The following CCND1 variants were observed in gnomAD, a reference collection of about 807,000 sequenced individuals.
CCND1 encodes the protein cyclin D1.
A neutral mutation model predicts 26.1 loss-of-function variants in CCND1; 9 were observed. That is an observed-to-expected ratio of 0.35 (90% CI 0.21 to 0.60). The LOEUF is 0.60. CCND1 is among the 20% of genes least tolerant of loss of function. CCND1 has a pLI of 0.79. For synonymous variants in CCND1, 194 were observed against 166.1 expected (o/e 1.17, Z -1.29); for missense variants, 335 against 392.9 (o/e 0.85, Z 1.25).
chr11:69,645,182 G>C (rs1855763269), intron 3 of CCND1, among the ~76,000 whole-genome samples: 1 of 152,190 alleles, frequency 6.6e-6, no homozygotes, highest in South Asian at 2.1e-4. Context: ...GTCTGGGGTG[G>C]GGGGGCATGC....
At chr11:69,645,325 G>A (rs1243379041) in intron 3 of CCND1, among the ~76,000 whole-genome samples, 2 of 152,202 alleles carry the variant, frequency 1.3e-5, no homozygotes, top group African/African-American at 4.8e-5. Flanking sequence ...CGTGGGGCGT[G>A]GTTCTTGCAC....
Position 69,641,202 on chromosome 11 carries a change from C to A in CCND1, c.-112C>A. The A allele has an allele frequency of 9.2e-7, 1 of 1,088,000 alleles. No homozygotes were observed. The highest frequency in any genetic ancestry group is 1.4e-6 in the Non-Finnish European group (1 of 728,202). 67.4% of individuals were successfully genotyped at this position (1,088,000 alleles called of 1,614,324 possible). ...CAGCGAGCAGCAGAGTCCGCACGCTCCGGCGAGGGGCAGAAGAGCGCGAGG... is the reference window on the plus strand; with the variant it reads ...CAGCGAGCAGCAGAGTCCGCACGCTACGGCGAGGGGCAGAAGAGCGCGAGG... On this transcript the variant is annotated 5_prime_UTR_variant, in exon 1 of 5. Transcript: ENST00000227507.
intron 3 of CCND1, among the ~76,000 whole-genome samples, chr11:69,646,555 G>A (rs987806865): frequency 2.0e-5 from 3 of 152,160 alleles, no homozygotes; most frequent in Non-Finnish European, 4.4e-5. Flanking sequence ...GCTCAGTGGC[G>A]CGAGATGAGG....
intron 3 of CCND1, among the ~76,000 whole-genome samples, chr11:69,645,503 C>A (rs1855766900): frequency 6.6e-6 from 1 of 152,156 alleles, no homozygotes; most frequent in South Asian, 2.1e-4. Context: ...ACTTGGGGAC[C>A]CAGCTGTGCA....
At chr11:69,642,148 G>A (rs1008468269) in intron 1 of CCND1, among the ~76,000 whole-genome samples, 1 of 152,132 alleles carries the variant, frequency 6.6e-6, no homozygotes, top group African/African-American at 2.4e-5. Flanking sequence ...TAGGGAAGGG[G>A]GGGCCTTTGT....
intron 3 of CCND1, among the ~76,000 whole-genome samples, chr11:69,645,103 C>T (rs1855762107): frequency 6.6e-6 from 1 of 152,182 alleles, no homozygotes; most frequent in South Asian, 2.1e-4. Context: ...GAACCCCTCC[C>T]CCACGTTTCC....
At chr11:69,647,268 C>G (rs983355436) in intron 3 of CCND1, among the ~76,000 whole-genome samples, 1 of 151,566 alleles carries the variant, frequency 6.6e-6, no homozygotes, top group Non-Finnish European at 1.5e-5. Flanking sequence ...TGTACTTGGT[C>G]TGTGCTCTGA....
At chr11:69,642,973 G>A in intron 1 of CCND1, 58 bp from the exon 2 acceptor site, 1 of 1,326,050 alleles carries the variant, frequency 7.5e-7, no homozygotes, top group South Asian at 1.5e-5. Flanking sequence ...GGGTGCGGGG[G>A]CGTGCGGGGG....
intron 1 of CCND1, among the ~76,000 whole-genome samples, chr11:69,642,571 T>A (rs1271496445): frequency 4.6e-5 from 7 of 152,288 alleles, no homozygotes; most frequent in Non-Finnish European, 8.8e-5. Flanking sequence ...TTAATATTTT[T>A]AAATATTTTT....
In CCND1 at chr11:69,654,084, C is replaced by A. The variant is rs140650017; in HGVS notation, c.*2802C>A. ...GGTTGGGGCCCTGCCCTGGCAGGGT[C>A]ATCCTGTGCTCGGAGGCCATCTCGG... is the stretch of plus-strand genomic sequence containing the variant. On this transcript the variant is annotated 3_prime_UTR_variant, in exon 5 of 5. Transcript: ENST00000227507. This position sits in a 1 kb window ranked among gnomAD's most constrained non-coding sequence, Gnocchi z 6.3. The A allele has an allele frequency of 1.3e-3, 808 of 636,262 alleles. 9 individuals are homozygous for A. Among genetic ancestry groups the A allele is most frequent in the African/African-American group, 0.011 (626 of 55,842 alleles). The allele number at this position is 636,262 out of a possible 1,614,324, so 39.4% of individuals were successfully genotyped here.
chr11:69,647,703 T>C (rs1590915151), intron 3 of CCND1, among the ~76,000 whole-genome samples: 1 of 152,356 alleles, frequency 6.6e-6, no homozygotes, highest in South Asian at 2.1e-4. Context: ...AAGGCAGTGA[T>C]GTCCCCATCA....
rs3918299 is a variant in CCND1 at position 69,648,563 on chromosome 11, G to A, written c.723+421G>A. Among the ~76,000 whole-genome samples the A allele has an allele frequency of 7.4e-3, 1,123 of 152,328 alleles. 16 individuals carry two copies. The highest frequency in any genetic ancestry group is 0.026 in the African/African-American group (1,078 of 41,556). The stretch of plus-strand genomic sequence containing the variant: ...TGTGAGGTCCGAGACACCGGACAAC[G>A]GGCGGATAGAGACAGCCTTGTTGTT... On this transcript the variant is annotated intron_variant, in intron 4 of 4. Transcript: ENST00000227507.
At chr11:69,642,869 C>T (rs1213575700) in intron 1 of CCND1, among the ~76,000 whole-genome samples, 162 bp from the exon 2 acceptor site, 1 of 151,370 alleles carries the variant, frequency 6.6e-6, no homozygotes, top group Non-Finnish European at 1.5e-5. Context: ...TGGGGACGCG[C>T]GGGGGAGGGG....
At chr11:69,642,492 A>G (rs1855720007) in intron 1 of CCND1, among the ~76,000 whole-genome samples, 1 of 151,790 alleles carries the variant, frequency 6.6e-6, no homozygotes, top group African/African-American at 2.4e-5. Flanking sequence ...CGAACTCCCA[A>G]CCCCCGGCCT....
At chr11:69,642,622 G>T (rs1855721892) in intron 1 of CCND1, among the ~76,000 whole-genome samples, 2 of 152,094 alleles carry the variant, frequency 1.3e-5, no homozygotes. Flanking sequence ...CGGCGGCCTG[G>T]GACGCCACCT....
intron 4 of CCND1, among the ~76,000 whole-genome samples, chr11:69,648,867 C>T (rs1710940874): frequency 6.6e-6 from 1 of 152,084 alleles, no homozygotes. Flanking sequence ...TGGTGGTCTG[C>T]CCTCGAGCCT....
chr11:69,651,494 A>AGAGAGAGAGAGAAAAAAAAAATAGTATTT lies in CCND1; in HGVS notation c.*214_*242dup, dbSNP rs1855855327. On this transcript the variant is annotated 3_prime_UTR_variant, in exon 5 of 5. Coordinates refer to ENST00000227507, the MANE Select transcript of CCND1 (RefSeq NM_053056.3). The stretch of plus-strand genomic sequence containing the variant: ...AGATTACCCAAAAACTGTCTTTAAA[A>AGAGAGAGAGAGAAAAAAAAAATAGTATTT]GAGAGAGAGAGAAAAAAAAAATAGT... The AGAGAGAGAGAGAAAAAAAAAATAGTATTT allele has an allele frequency of 2.4e-6, 1 of 412,488 alleles. No individual in the cohort carries two copies. The highest frequency in any genetic ancestry group is 4.2e-6 in the Non-Finnish European group (1 of 237,506). The allele number at this position is 412,488 out of a possible 1,614,324, so 25.6% of individuals were successfully genotyped here. A position where few individuals can be genotyped will look rare whatever the true frequency, so the allele number is the denominator to read the frequency against.
chr11:69,649,716 A>C (rs1367840926), intron 4 of CCND1, among the ~76,000 whole-genome samples: 1 of 152,180 alleles, frequency 6.6e-6, no homozygotes, highest in Non-Finnish European at 1.5e-5. Context: ...AGAGGAATGA[A>C]GGAAGGTCCT....
intron 4 of CCND1, among the ~76,000 whole-genome samples, chr11:69,650,678 G>A (rs1186567477): frequency 6.6e-6 from 1 of 152,244 alleles, no homozygotes; most frequent in Non-Finnish European, 1.5e-5. Flanking sequence ...GGAAGGCCAG[G>A]TTCACCTCAA....
Sources: allele counts gnomAD v4.1 joint callset (sites outside exome capture counted in the v4.1 genomes callset), GRCh38; gene constraint gnomAD v4.1.1; non-coding constraint Gnocchi (gnomAD v3.1); transcripts MANE v1.5; gene names NCBI Gene and HGNC (gene_info 2026-07-23, HGNC 2026-07-21).